VMP1: variants seen among roughly 807,000 people sequenced by gnomAD.
VMP1 encodes vacuole membrane protein 1.
Under a neutral mutation model 56.0 loss-of-function variants are expected in VMP1, and 11 were observed. The ratio of observed to expected loss-of-function variants is 0.20; its 90% confidence interval spans 0.12 to 0.32. The LOEUF (loss-of-function observed/expected upper bound fraction) is 0.32, where lower values mean the gene tolerates loss of function less well. Among genes scored for constraint, VMP1 ranks in the 10% least tolerant of loss-of-function variants. VMP1 has a pLI of 1.00. For missense variants in VMP1, 296 were observed against 490.3 expected, an observed-to-expected ratio of 0.60 and a Z score of 3.74; for synonymous variants, 149 against 165.0, an observed-to-expected ratio of 0.90 and a Z score of 0.74.
intron 5 of VMP1, among the ~76,000 whole-genome samples, chr17:59,764,739 T>C (rs545501007): frequency 6.7e-4 from 102 of 152,318 alleles, no homozygotes; most frequent in Non-Finnish European, 1.1e-3. Context: ...TGACTCATTA[T>C]GTGTAAATTT....
chr17:59,742,353 T>G (rs1336172418), intron 5 of VMP1, among the ~76,000 whole-genome samples: 1 of 151,466 alleles, frequency 6.6e-6, no homozygotes. Flanking sequence ...CATAAATAAA[T>G]AAAAGATAAA....
Position 59,743,103 on chromosome 17 carries a change from C to A in VMP1, c.414+4156C>A, listed in dbSNP as rs1354585300. ...TACAATTGAGGAACCAATATTGATA[C>A]ATTATTAACTAAAACCCATAGTTTA... On this transcript the variant is annotated intron_variant, in intron 5 of 11. Transcript: ENST00000262291. Among the ~76,000 whole-genome samples the A allele has an allele frequency of 2.0e-5, 3 of 152,230 alleles. No homozygotes were observed. The East Asian group carries it at 5.8e-4, about 29-fold the overall frequency.
chr17:59,722,201 A>G (rs2034426322), intron 1 of VMP1, among the ~76,000 whole-genome samples: 1 of 152,168 alleles, frequency 6.6e-6, no homozygotes, highest in African/African-American at 2.4e-5. Context: ...ACAAGCATAT[A>G]CTCTCCTTAT....
At chr17:59,814,876 T>G (rs2038172172) in intron 9 of VMP1, among the ~76,000 whole-genome samples, 1 of 152,222 alleles carries the variant, frequency 6.6e-6, no homozygotes, top group Non-Finnish European at 1.5e-5. Flanking sequence ...TAAAGGCATG[T>G]CACTTGATGT....
intron 5 of VMP1, among the ~76,000 whole-genome samples, chr17:59,759,903 G>GTT (rs58618508): frequency 6.1e-5 from 6 of 97,938 alleles, no homozygotes; most frequent in African/African-American, 1.8e-4. Flanking sequence ...GTTTTTTGGT[G>GTT]TTTTTTTTTT....
intron 10 of VMP1, among the ~76,000 whole-genome samples, chr17:59,835,741 C>T (rs1366435259): frequency 2.0e-5 from 3 of 150,968 alleles, no homozygotes; most frequent in South Asian, 2.1e-4. Flanking sequence ...CCGCCCGCCT[C>T]GGCCTCCCAA....
chr17:59,771,201 TCTCA>T (rs1226483597), intron 6 of VMP1, among the ~76,000 whole-genome samples: 1 of 150,494 alleles, frequency 6.6e-6, no homozygotes, highest in East Asian at 2.0e-4. Context: ...GGAGACAGGG[TCTCA>T]CTCTGTCACC....
intron 5 of VMP1, among the ~76,000 whole-genome samples, chr17:59,757,866 T>C (rs1424440961): frequency 2.8e-5 from 4 of 141,628 alleles, no homozygotes; most frequent in Non-Finnish European, 6.1e-5. Flanking sequence ...CCACTTTTTT[T>C]TTTTTTTTTT....
chr17:59,739,520 C>T (rs758033730), intron 5 of VMP1, among the ~76,000 whole-genome samples: 7 of 151,382 alleles, frequency 4.6e-5, no homozygotes, highest in East Asian at 1.9e-4. Context: ...GTCTGGAGAT[C>T]GAGACCATCC....
chr17:59,735,788 G>C, intron 3 of VMP1: 1 of 249,830 alleles, frequency 4.0e-6, no homozygotes, highest in South Asian at 6.2e-5. Flanking sequence ...GAGAAATCAG[G>C]TCTGTGTAAT....
chr17:59,817,335 A>C (rs75132743), intron 9 of VMP1, among the ~76,000 whole-genome samples: 1 of 130,082 alleles, frequency 7.7e-6, no homozygotes, highest in African/African-American at 2.5e-5. Flanking sequence ...TTTGAATTAA[A>C]TGTTATCTTT....
intron 11 of VMP1, 47 bp downstream of exon 11, chr17:59,838,444 T>C: frequency 6.3e-7 from 1 of 1,580,812 alleles, no homozygotes; most frequent in Non-Finnish European, 8.7e-7. Flanking sequence ...AGTTTCGGGC[T>C]GAAATTACAT....
intron 7 of VMP1, among the ~76,000 whole-genome samples, chr17:59,778,468 G>A (rs2036704127): frequency 6.6e-6 from 1 of 151,660 alleles, no homozygotes; most frequent in African/African-American, 2.4e-5. Context: ...GTGTGAACCT[G>A]GGAGGTGGAG....
intron 5 of VMP1, among the ~76,000 whole-genome samples, chr17:59,742,169 G>A (rs1395749838): frequency 1.3e-5 from 2 of 151,952 alleles, no homozygotes; most frequent in South Asian, 2.1e-4. Flanking sequence ...AAAGAGAAGG[G>A]AAATTTATAA....
chr17:59,769,767 C>T (rs1056679664), intron 6 of VMP1, among the ~76,000 whole-genome samples: 2 of 152,118 alleles, frequency 1.3e-5, no homozygotes, highest in African/African-American at 2.4e-5. Flanking sequence ...CTTAATTAAA[C>T]TTAGGCTGAC....
chr17:59,751,607 T>TGC (rs1555616372), intron 5 of VMP1, among the ~76,000 whole-genome samples: 2 of 141,784 alleles, frequency 1.4e-5, no homozygotes, highest in East Asian at 4.4e-4. Context: ...CTGGGCGTGG[T>TGC]GGGGGGGGCG....
chr17:59,788,257 G>C (rs2037077523), intron 7 of VMP1, among the ~76,000 whole-genome samples: 1 of 152,036 alleles, frequency 6.6e-6, no homozygotes, highest in Non-Finnish European at 1.5e-5. Context: ...GGGAGGCTGA[G>C]GGGGACGGAT....
intron 10 of VMP1, among the ~76,000 whole-genome samples, chr17:59,823,383 G>A (rs563321897): frequency 1.1e-4 from 16 of 149,902 alleles, no homozygotes; most frequent in Non-Finnish European, 2.2e-4. Context: ...CCTGGGAGGC[G>A]GAGGTTGCAG....
intron 8 of VMP1, among the ~76,000 whole-genome samples, chr17:59,810,261 C>T (rs2038011542): frequency 6.6e-6 from 1 of 152,124 alleles, no homozygotes; most frequent in Non-Finnish European, 1.5e-5. Flanking sequence ...TCAAGCGATT[C>T]TCCTGCCTCA....
Sources: allele counts gnomAD v4.1 joint callset (sites outside exome capture counted in the v4.1 genomes callset), GRCh38; gene constraint gnomAD v4.1.1; transcripts MANE v1.5; gene names NCBI Gene and HGNC (gene_info 2026-07-23, HGNC 2026-07-21).